WDR3: variants seen among roughly 807,000 people sequenced by gnomAD.
WDR3 encodes the protein WD repeat-containing protein 3.
Under a neutral mutation model 123.7 loss-of-function variants are expected in WDR3, and 81 were observed. The observed-to-expected ratio is 0.65, with a 90% CI of 0.55 to 0.79. The LOEUF (loss-of-function observed/expected upper bound fraction) is 0.79, where lower values mean the gene tolerates loss of function less well. Ranked by LOEUF, WDR3 falls within the 30% of genes least tolerant of loss-of-function variation. WDR3 has a pLI of 0.00. For synonymous variants in WDR3, 390 were observed against 388.8 expected (o/e 1.00, Z -0.04); for missense variants, 1,027 against 1,123.2 (o/e 0.91, Z 1.22).
At chr1:117,944,506 A>G (rs1651297997) in intron 11 of WDR3, among the ~76,000 whole-genome samples, 1 of 152,198 alleles carries the variant, frequency 6.6e-6, no homozygotes, top group African/African-American at 2.4e-5. Context: ...TCAAATTCAT[A>G]TATACAAATA....
chr1:117,945,219 A>T (rs756150651), intron 11 of WDR3, among the ~76,000 whole-genome samples: 6 of 152,116 alleles, frequency 3.9e-5, no homozygotes, highest in Non-Finnish European at 8.8e-5. Context: ...AGCCAGTGTA[A>T]TCTTTTTATA....
intron 3 of WDR3, among the ~76,000 whole-genome samples, chr1:117,935,476 T>A (rs751208266): frequency 1.3e-5 from 2 of 152,134 alleles, no homozygotes; most frequent in East Asian, 1.9e-4. Context: ...CAAAATAGAT[T>A]ATTGCAACCA....
chr1:117,937,653 T>TTTA (rs954755812), intron 4 of WDR3, among the ~76,000 whole-genome samples: 1 of 152,112 alleles, frequency 6.6e-6, no homozygotes, highest in Non-Finnish European at 1.5e-5. Context: ...GAAATAACAC[T>TTTA]GTAAGGTGGG....
At chr1:117,959,079 C>G in intron 26 of WDR3, 76 bp downstream of exon 26, 1 of 1,461,872 alleles carries the variant, frequency 6.8e-7, no homozygotes, top group Non-Finnish European at 9.5e-7. Context: ...GTATGCTGTG[C>G]TTTGTCTTTA....
chr1:117,931,712 A>G (rs113291734), intron 1 of WDR3, among the ~76,000 whole-genome samples: 14 of 152,338 alleles, frequency 9.2e-5, no homozygotes, highest in African/African-American at 3.1e-4. Context: ...AGACAAACAT[A>G]AGGAACAACT....
At chr1:117,934,796 G>A (rs775784768) in intron 3 of WDR3, 114 bp downstream of exon 3, 66 of 997,360 alleles carry the variant, frequency 6.6e-5, no homozygotes, top group Non-Finnish European at 6.5e-5. Context: ...AATATACAAA[G>A]TAGTATAATG....
chr1:117,959,452 G>A lies in WDR3; in HGVS notation c.*5G>A, dbSNP rs766014753. ...TTGATTCTAACGTTGACTTAGAACT[G>A]AAATGTGGTATCTTTTTTTTTTTCA... On this transcript the variant is annotated 3_prime_UTR_variant, in exon 27 of 27. Transcript: ENST00000349139. The A allele has an allele frequency of 1.6e-5, 26 of 1,587,104 alleles. No homozygotes were observed. The highest frequency in any genetic ancestry group is 2.1e-5 in the Non-Finnish European group (25 of 1,170,696).
At chr1:117,953,378 A>G in intron 20 of WDR3, 98 bp from the exon 21 acceptor site, 1 of 1,197,450 alleles carries the variant, frequency 8.4e-7, no homozygotes, top group Non-Finnish European at 1.2e-6. Context: ...TTTTCATAAA[A>G]TAATAATAGC....
At chr1:117,951,549 G>C (rs371159070) in intron 16 of WDR3, among the ~76,000 whole-genome samples, 2 of 147,070 alleles carry the variant, frequency 1.4e-5, no homozygotes, top group East Asian at 2.0e-4. Context: ...TTTGGACCAC[G>C]CATTGAAATA....
rs1653303074 is a variant in WDR3 at position 117,962,970 on chromosome 1, C to G, written c.*3523C>G. On this transcript the variant is annotated 3_prime_UTR_variant, in exon 27 of 27. Coordinates refer to ENST00000349139, the MANE Select transcript of WDR3 (RefSeq NM_006784.3). ...TTGGCTTACAGTTACTGTCTGCAAT[C>G]CACCCCCATTCCTCACAATTTAAGC... 6.6e-6 allele frequency: 1 copy of G among 152,224 alleles called. No individual in the cohort carries two copies. Among genetic ancestry groups the G allele is most frequent in the African/African-American group, 2.4e-5 (1 of 41,464 alleles). The allele number at this position is 152,224 out of a possible 1,614,324, so 9.4% of individuals were successfully genotyped here. A position where few individuals can be genotyped will look rare whatever the true frequency, so the allele number is the denominator to read the frequency against.
chr1:117,931,070 C>T (rs1052756901), intron 1 of WDR3, among the ~76,000 whole-genome samples: 6 of 152,154 alleles, frequency 3.9e-5, no homozygotes, highest in African/African-American at 1.4e-4. Flanking sequence ...GCCTCAGCCT[C>T]CCCGAGTGCG....
intron 3 of WDR3, among the ~76,000 whole-genome samples, chr1:117,935,530 G>A (rs1650914841): frequency 1.3e-5 from 2 of 151,854 alleles, no homozygotes; most frequent in Non-Finnish European, 2.9e-5. Context: ...TTCCTAATTA[G>A]TATATTTTAA....
rs574069745 is a variant in WDR3, at chr1:117,933,481, A to G, written c.162A>G (p.Lys54=). 6 of 1,614,156 alleles carry G rather than the reference A, an allele frequency of 3.7e-6. No individual in the cohort carries two copies. In the South Asian group the frequency reaches 6.6e-5, roughly 18 times the overall value. Residue 54 remains lysine (K), a synonymous_variant, in exon 2 of 27, where the codon AAA becomes AAG. Transcript: ENST00000349139. ...CEHVFIWDLR[K]GEKILILQGL... is the part of the protein sequence containing the mutation. Reference sequence around the variant, plus strand: ...ACGTTTTCATCTGGGACTTAAGGAAAGGAGAGAAGGTGAGCCTAAAATGAC... The same window carrying G: ...ACGTTTTCATCTGGGACTTAAGGAAGGGAGAGAAGGTGAGCCTAAAATGAC...
Position 117,965,187 on chromosome 1 carries a change from ACTTTAAAT to A in WDR3, c.*5743_*5750del, listed in dbSNP as rs1333608283. On this transcript the variant is annotated 3_prime_UTR_variant, in exon 27 of 27. Coordinates refer to ENST00000349139, the MANE Select transcript of WDR3 (RefSeq NM_006784.3). ...AGTTTTTATCCCAACCAAATTTAACACTTTAAATCTGAATTTTCTTTGACATCTCAATA... is the reference window on the plus strand; with the variant it reads ...AGTTTTTATCCCAACCAAATTTAACACTGAATTTTCTTTGACATCTCAATA... 1.3e-5 allele frequency: 2 copies of A among 152,200 alleles called. No homozygotes were observed. The highest frequency in any genetic ancestry group is 4.8e-5 in the African/African-American group (2 of 41,440). 9.4% of individuals were successfully genotyped at this position (152,200 alleles called of 1,614,324 possible).
rs949679379 is a variant in WDR3, at chr1:117,966,470, G to T, written c.*7023G>T. 2 of 834,148 alleles carry T rather than the reference G, an allele frequency of 2.4e-6. No homozygotes were observed. The highest frequency in any genetic ancestry group is 3.5e-6 in the Non-Finnish European group (2 of 574,812). 51.7% of individuals were successfully genotyped at this position (834,148 alleles called of 1,614,324 possible). A position where few individuals can be genotyped will look rare whatever the true frequency, so the allele number is the denominator to read the frequency against. Reference sequence around the variant, plus strand: ...GGTGCTTTCAAAGATGAATGAAGATGCTCTTTGTCTTAATAAATTTAACTC... The same window carrying T: ...GGTGCTTTCAAAGATGAATGAAGATTCTCTTTGTCTTAATAAATTTAACTC... On this transcript the variant is annotated 3_prime_UTR_variant, in exon 27 of 27. Transcript: ENST00000349139.
At chr1:117,932,074 T>G (rs1242285275) in intron 1 of WDR3, among the ~76,000 whole-genome samples, 1 of 152,236 alleles carries the variant, frequency 6.6e-6, no homozygotes, top group African/African-American at 2.4e-5. Context: ...GGGTGTTTTT[T>G]GGGGATACTT....
chr1:117,938,466 G>C lies in WDR3; in HGVS notation c.501-14G>C. 6.2e-7 allele frequency: 1 copy of C among 1,608,442 alleles called. No homozygotes were observed. The highest frequency in any genetic ancestry group is 8.5e-7 in the Non-Finnish European group (1 of 1,177,278). ...TAAACAGGCTATATATTTTTTTCCTGTTTCTTCTTTTAGTGGGAAAGATAC... is the reference window on the plus strand; with the variant it reads ...TAAACAGGCTATATATTTTTTTCCTCTTTCTTCTTTTAGTGGGAAAGATAC... On this transcript the variant is annotated splice_polypyrimidine_tract_variant and intron_variant, in intron 4 of 26. Coordinates refer to ENST00000349139, the MANE Select transcript of WDR3 (RefSeq NM_006784.3).
chr1:117,932,574 G>A (rs1650771707), intron 1 of WDR3, among the ~76,000 whole-genome samples: 1 of 152,184 alleles, frequency 6.6e-6, no homozygotes, highest in South Asian at 2.1e-4. Flanking sequence ...TATTTCCAGT[G>A]TCTAGAATGG....
At chr1:117,950,958 G>T in intron 16 of WDR3, 68 bp downstream of exon 16, 1 of 1,276,712 alleles carries the variant, frequency 7.8e-7, no homozygotes. Context: ...CTTAATTCTG[G>T]CTTGATGTCT....
Sources: allele counts gnomAD v4.1 joint callset (sites outside exome capture counted in the v4.1 genomes callset), GRCh38; gene constraint gnomAD v4.1.1; transcripts MANE v1.5; gene names NCBI Gene and HGNC (gene_info 2026-07-23, HGNC 2026-07-21).